Variants in MMD2 observed in about 807,000 individuals in gnomAD.
MMD2 encodes monocyte to macrophage differentiation factor 2.
Under a neutral mutation model 33.5 loss-of-function variants are expected in MMD2, and 30 were observed. That is an observed-to-expected ratio of 0.90 (90% CI 0.67 to 1.22). The LOEUF is 1.22. Ranked by LOEUF, MMD2 falls within the 50% of genes most tolerant of loss-of-function variation. The pLI is 0.00. For missense variants in MMD2, 364 were observed against 325.4 expected (o/e 1.12, Z -0.91); for synonymous variants, 129 against 123.0 (o/e 1.05, Z -0.32).
the MMD2 span, among the ~76,000 whole-genome samples, chr7:4,898,719 C>T: frequency 1.3e-4 from 20 of 152,134 alleles, no homozygotes; most frequent in African/African-American, 4.6e-4. Context: ...GCCAACATGG[C>T]GAAACCCTGT....
intron 1 of MMD2, 75 bp from the exon 2 acceptor site, chr7:4,925,607 A>G: frequency 1.8e-6 from 2 of 1,123,892 alleles, no homozygotes; most frequent in Non-Finnish European, 2.5e-6. Flanking sequence ...AAGCCTGAAG[A>G]CCTTACTTCC....
chr7:4,907,413 T>G lies in MMD2; in HGVS notation c.724A>C (p.Thr242Pro), dbSNP rs753875249. Residue 242 changes from threonine (T) to proline (P), a missense_variant, in exon 7 of 7, where the codon ACC becomes CCC. Physicochemically the swap from Thr to Pro is conservative, Grantham distance 38 (BLOSUM62 -1). Transcript: ENST00000401401. ...GGGTCACCTCATTTGGACACCTTGG[T>G]CTGCAGGGTGCTGGGCAGATAGAGG... is the stretch of plus-strand genomic sequence containing the variant. ...RYLYLPSTLQ[T>P]KVSK 8 of 1,613,828 alleles carry G rather than the reference T, an allele frequency of 5.0e-6. No individual in the cohort carries two copies. In the South Asian group the frequency reaches 7.7e-5, roughly 16 times the overall value.
At chr7:4,925,590 TC>T in intron 1 of MMD2, 58 bp from the exon 2 acceptor site, 1 of 1,390,820 alleles carries the variant, frequency 7.2e-7, no homozygotes, top group Non-Finnish European at 9.8e-7. Flanking sequence ...CCATCCGAAT[TC>T]CCAGGAAGCC....
At chr7:4,930,517 G>A (rs1785552289) in intron 1 of MMD2, among the ~76,000 whole-genome samples, 1 of 150,830 alleles carries the variant, frequency 6.6e-6, no homozygotes. Flanking sequence ...AGTGGTGGGC[G>A]ACTGTAATCC....
At chr7:4,935,042 C>T (rs1562488624) in intron 1 of MMD2, among the ~76,000 whole-genome samples, 1 of 152,048 alleles carries the variant, frequency 6.6e-6, no homozygotes, top group Non-Finnish European at 1.5e-5. Context: ...AAAAATTAGC[C>T]AGGCATGGTG....
chr7:4,935,410 T>C (rs1785711041), intron 1 of MMD2, among the ~76,000 whole-genome samples: 1 of 151,716 alleles, frequency 6.6e-6, no homozygotes, highest in Non-Finnish European at 1.5e-5. Context: ...GTTTATTCGG[T>C]CTGGGGTAAA....
In MMD2 at chr7:4,906,556, G is replaced by T. The variant is rs1784870847; in HGVS notation, c.*840C>A. ...GGATTTTTGGAGATGGGAAGAAATG[G>T]CCAAGTAACAGCATCCTCATTCCCA... is the stretch of plus-strand genomic sequence containing the variant. On this transcript the variant is annotated 3_prime_UTR_variant, in exon 7 of 7. Coordinates refer to ENST00000401401, the MANE Select transcript of MMD2 (RefSeq NM_198403.4). The T allele has an allele frequency of 2.5e-6, 1 of 398,588 alleles. No homozygotes were observed. The highest frequency in any genetic ancestry group is 4.4e-6 in the Non-Finnish European group (1 of 226,066). The allele number at this position is 398,588 out of a possible 1,614,324, so 24.7% of individuals were successfully genotyped here.
intron 1 of MMD2, among the ~76,000 whole-genome samples, chr7:4,954,676 C>T (rs1786337394): frequency 6.6e-6 from 1 of 152,156 alleles, no homozygotes; most frequent in African/African-American, 2.4e-5. Context: ...ACCTCGGCCT[C>T]CCAAAATGTT....
chr7:4,944,373 G>C (rs1345486980), intron 1 of MMD2, among the ~76,000 whole-genome samples: 1 of 152,168 alleles, frequency 6.6e-6, no homozygotes, highest in Non-Finnish European at 1.5e-5. Context: ...AGCAAAGGTG[G>C]GTCTAGTTCC....
At chr7:4,921,701 C>G (rs1320372188) in intron 2 of MMD2, among the ~76,000 whole-genome samples, 1 of 151,704 alleles carries the variant, frequency 6.6e-6, no homozygotes, top group Non-Finnish European at 1.5e-5. Flanking sequence ...TGAACGCAAT[C>G]TGCCTGCAAG....
At chr7:4,915,624 C>G (rs1785120196) in intron 4 of MMD2, among the ~76,000 whole-genome samples, 1 of 151,778 alleles carries the variant, frequency 6.6e-6, no homozygotes, top group Non-Finnish European at 1.5e-5. Flanking sequence ...CCTGTAATCC[C>G]AGCTACTCGG....
chr7:4,918,812 A>C (rs1785204413), intron 3 of MMD2, among the ~76,000 whole-genome samples: 2 of 151,690 alleles, frequency 1.3e-5, no homozygotes, highest in South Asian at 4.2e-4. Flanking sequence ...TTTTAATCAA[A>C]ACTAGCCAGG....
chr7:4,937,947 T>C (rs1193399970), intron 1 of MMD2, among the ~76,000 whole-genome samples: 1 of 150,032 alleles, frequency 6.7e-6, no homozygotes, highest in East Asian at 2.0e-4. Context: ...CATCACCTGG[T>C]CCTAAGAAAA....
chr7:4,925,036 T>C (rs1366288181), intron 2 of MMD2, among the ~76,000 whole-genome samples: 1 of 152,132 alleles, frequency 6.6e-6, no homozygotes, highest in East Asian at 1.9e-4. Flanking sequence ...GTTCAAGAGA[T>C]TCCCCTGTCT....
chr7:4,931,054 T>C (rs2115122381), intron 1 of MMD2, among the ~76,000 whole-genome samples: 1 of 152,312 alleles, frequency 6.6e-6, no homozygotes, highest in Admixed American at 6.5e-5. Context: ...TTTCACCATG[T>C]TGGCCAGGCT....
chr7:4,936,197 A>C (rs1380153186), intron 1 of MMD2, among the ~76,000 whole-genome samples: 1 of 151,888 alleles, frequency 6.6e-6, no homozygotes, highest in Non-Finnish European at 1.5e-5. Flanking sequence ...AAAAAAAAAA[A>C]AAAGGAAAAA....
chr7:4,908,103 C>A (rs1417189359), intron 6 of MMD2, among the ~76,000 whole-genome samples: 1 of 152,004 alleles, frequency 6.6e-6, no homozygotes, highest in South Asian at 2.1e-4. Flanking sequence ...AGCCACCACA[C>A]TCGGCCTCAA....
intron 4 of MMD2, among the ~76,000 whole-genome samples, chr7:4,915,720 A>T (rs1048480694): frequency 6.6e-6 from 1 of 151,550 alleles, no homozygotes; most frequent in Non-Finnish European, 1.5e-5. Flanking sequence ...AGCCTGGGTG[A>T]CAGAGTGAGA....
At chr7:4,923,549 A>G (rs1461615590) in intron 2 of MMD2, among the ~76,000 whole-genome samples, 1 of 152,136 alleles carries the variant, frequency 6.6e-6, no homozygotes, top group Non-Finnish European at 1.5e-5. Flanking sequence ...AGATAAGGAA[A>G]CTGAGGCTCA....
Sources: gnomAD v4.1 joint callset for allele counts (sites outside exome capture counted in the v4.1 genomes callset) on GRCh38, gnomAD v4.1.1 for gene constraint, MANE v1.5 for transcripts, NCBI Gene and HGNC (gene_info 2026-07-23, HGNC 2026-07-21) for gene names.